Variants in VPS13B observed in about 807,000 individuals in gnomAD.
The protein encoded by VPS13B is intermembrane lipid transfer protein VPS13B.
VPS13B carries 285 observed loss-of-function variants against 426.4 expected under a neutral mutation model. The observed-to-expected ratio is 0.67, with a 90% CI of 0.61 to 0.74. The LOEUF is 0.74. VPS13B is among the 30% of genes least tolerant of loss of function. The probability of loss-of-function intolerance (pLI) is 0.00; values close to 1 mark genes in which losing one functional copy is unlikely to be tolerated. For missense variants in VPS13B, 4,537 were observed against 4,782.6 expected (o/e 0.95, Z 1.51); for synonymous variants, 1,676 against 1,676.4 (o/e 1.00, Z 0.01).
intron 21 of VPS13B, among the ~76,000 whole-genome samples, chr8:99,412,208 A>G (rs747068317): frequency 3.4e-4 from 51 of 151,900 alleles, no homozygotes; most frequent in Non-Finnish European, 4.1e-4. Flanking sequence ...ATTTGTATGG[A>G]ATGTTTTTCC....
chr8:99,298,365 G>C (rs1055751432), intron 19 of VPS13B, among the ~76,000 whole-genome samples: 1 of 152,122 alleles, frequency 6.6e-6, no homozygotes, highest in Admixed American at 6.5e-5. Context: ...GCACATGCCT[G>C]TAATCCCAGC....
Position 99,876,645 on chromosome 8 carries a change from G to GTGTC in VPS13B, c.*986_*989dup, listed in dbSNP as rs1202590436. The stretch of plus-strand genomic sequence containing the variant: ...TTGACAAAGCATGAAGATATTCCCA[G>GTGTC]TGTCTGTCTGATAATATTTTGCATC... On this transcript the variant is annotated 3_prime_UTR_variant, in exon 62 of 62. Transcript: ENST00000357162. 6.6e-6 allele frequency: 1 copy of GTGTC among 152,144 alleles called. No homozygotes were observed. Among genetic ancestry groups the GTGTC allele is most frequent in the East Asian group, 1.9e-4 (1 of 5,194 alleles). The allele number at this position is 152,144 out of a possible 1,614,324, so 9.4% of individuals were successfully genotyped here.
At chr8:99,291,810 T>C (rs1819751042) in intron 19 of VPS13B, among the ~76,000 whole-genome samples, 1 of 152,260 alleles carries the variant, frequency 6.6e-6, no homozygotes, top group Non-Finnish European at 1.5e-5. Flanking sequence ...ATATTTTCAA[T>C]TAGCTTACAT....
chr8:99,305,332 C>T (rs979346554), intron 19 of VPS13B, among the ~76,000 whole-genome samples: 1 of 151,898 alleles, frequency 6.6e-6, no homozygotes, highest in African/African-American at 2.4e-5. Context: ...AAATAAAAAC[C>T]AATACAGTAT....
At chr8:99,662,433 T>A (rs1362190844) in intron 35 of VPS13B, among the ~76,000 whole-genome samples, 3 of 148,852 alleles carry the variant, frequency 2.0e-5, no homozygotes, top group Non-Finnish European at 4.4e-5. Flanking sequence ...TTAAGAATTT[T>A]ATTTAATTTT....
chr8:99,319,612 G>T (rs1563666407), intron 19 of VPS13B, among the ~76,000 whole-genome samples: 1 of 152,170 alleles, frequency 6.6e-6, no homozygotes, highest in Non-Finnish European at 1.5e-5. Context: ...CCTAATCATT[G>T]TGACAACCAG....
chr8:99,582,912 C>T (rs1479590589), intron 33 of VPS13B, among the ~76,000 whole-genome samples: 1 of 152,192 alleles, frequency 6.6e-6, no homozygotes, highest in Non-Finnish European at 1.5e-5. Flanking sequence ...GCCTTGGCCT[C>T]CCAAAGTTCT....
chr8:99,064,765 A>G (rs996329743), intron 3 of VPS13B, among the ~76,000 whole-genome samples: 4 of 152,198 alleles, frequency 2.6e-5, no homozygotes, highest in Non-Finnish European at 5.9e-5. Flanking sequence ...GAACACCACA[A>G]AGATACTCTT....
intron 7 of VPS13B, among the ~76,000 whole-genome samples, 158 bp downstream of exon 7, chr8:99,116,032 G>A (rs952734050): frequency 1.3e-5 from 2 of 152,026 alleles, no homozygotes; most frequent in Non-Finnish European, 2.9e-5. Flanking sequence ...TAATTTTTTT[G>A]TTTGTTTTGT....
intron 21 of VPS13B, among the ~76,000 whole-genome samples, chr8:99,399,315 T>C (rs891127143): frequency 1.3e-5 from 2 of 152,320 alleles, no homozygotes; most frequent in Admixed American, 1.3e-4. Flanking sequence ...CTTAAAATGA[T>C]ATACAAAGTT....
intron 6 of VPS13B, among the ~76,000 whole-genome samples, chr8:99,114,602 A>T (rs1035704636): frequency 6.6e-6 from 1 of 152,006 alleles, no homozygotes. Flanking sequence ...TTTCCTGCTC[A>T]CCTCCCACAC....
intron 19 of VPS13B, among the ~76,000 whole-genome samples, chr8:99,287,228 GTCTGTCTATCTATCTATCTA>G (rs1245183255): frequency 3.8e-5 from 4 of 105,850 alleles, no homozygotes; most frequent in Admixed American, 3.5e-4. Context: ...GTATCTATCT[GTCTGTCTATCTATCTATCTA>G]TCTATCTATC....
chr8:99,081,628 C>T (rs974618808), intron 3 of VPS13B, among the ~76,000 whole-genome samples: 25 of 139,098 alleles, frequency 1.8e-4, no homozygotes, highest in African/African-American at 6.4e-4. Context: ...CACCCCACAA[C>T]AGGCCCCGGT....
intron 20 of VPS13B, among the ~76,000 whole-genome samples, chr8:99,385,609 A>C (rs536366920): frequency 2.0e-4 from 30 of 152,320 alleles, no homozygotes; most frequent in Admixed American, 5.9e-4. Flanking sequence ...ATAGGTGAGA[A>C]TATCCCTCCC....
intron 25 of VPS13B, among the ~76,000 whole-genome samples, chr8:99,485,030 TC>T (rs2133564489): frequency 6.6e-6 from 1 of 152,270 alleles, no homozygotes; most frequent in South Asian, 2.1e-4. Flanking sequence ...CATTTTATGT[TC>T]CCAGCTCTTG....
chr8:99,210,329 T>A (rs1334997000), intron 17 of VPS13B, among the ~76,000 whole-genome samples: 1 of 152,320 alleles, frequency 6.6e-6, no homozygotes, highest in East Asian at 1.9e-4. Context: ...GTTCTTTTAT[T>A]GACCCCTATA....
At chr8:99,187,979 G>T (rs942626565) in intron 16 of VPS13B, among the ~76,000 whole-genome samples, 1 of 151,424 alleles carries the variant, frequency 6.6e-6, no homozygotes, top group Admixed American at 6.6e-5. Context: ...AAGAGAGAGA[G>T]AGAGTGACGG....
At chr8:99,256,736 G>T (rs965754623) in intron 17 of VPS13B, among the ~76,000 whole-genome samples, 2 of 151,924 alleles carry the variant, frequency 1.3e-5, no homozygotes, top group African/African-American at 4.8e-5. Context: ...TTTGAAGTGG[G>T]TTTTTTTGTT....
chr8:99,175,586 C>G (rs1265906905), intron 16 of VPS13B, among the ~76,000 whole-genome samples: 1 of 151,982 alleles, frequency 6.6e-6, no homozygotes, highest in Non-Finnish European at 1.5e-5. Flanking sequence ...GTTCCAGACC[C>G]CATTTCTAGA....
Sources: allele counts gnomAD v4.1 joint callset (sites outside exome capture counted in the v4.1 genomes callset), GRCh38; gene constraint gnomAD v4.1.1; transcripts MANE v1.5; gene names NCBI Gene and HGNC (gene_info 2026-07-23, HGNC 2026-07-21).